TMEM108: variants seen among roughly 807,000 people sequenced by gnomAD.
TMEM108 encodes cancer/testis antigen 124.
A neutral mutation model predicts 35.1 loss-of-function variants in TMEM108; 12 were observed. The ratio of observed to expected loss-of-function variants is 0.34; its 90% CI spans 0.22 to 0.55. The LOEUF (loss-of-function observed/expected upper bound fraction) is 0.55. TMEM108 is among the 20% of genes least tolerant of loss of function. The probability of loss-of-function intolerance (pLI) is 0.89; values close to 1 mark genes in which losing one functional copy is unlikely to be tolerated. For missense variants in TMEM108, 680 were observed against 753.3 expected, an observed-to-expected ratio of 0.90 and a Z score of 1.14; for synonymous variants, 287 against 308.6, an observed-to-expected ratio of 0.93 and a Z score of 0.73.
intron 3 of TMEM108, among the ~76,000 whole-genome samples, chr3:133,306,110 T>G (rs1388591841): frequency 6.6e-6 from 1 of 152,196 alleles, no homozygotes; most frequent in South Asian, 2.1e-4. Context: ...TAATTTTTAT[T>G]GATAAAGTTC....
intron 2 of TMEM108, among the ~76,000 whole-genome samples, chr3:133,219,897 A>C (rs1456492364): frequency 6.6e-6 from 1 of 152,102 alleles, no homozygotes; most frequent in Non-Finnish European, 1.5e-5. Context: ...CTGGATATCC[A>C]TCCATTGTTG....
rs190698133 is a variant in TMEM108, at chr3:133,272,020, C to T, written c.40+42669C>T. Among the ~76,000 whole-genome samples, 265 of 152,224 alleles carry T rather than the reference C, an allele frequency of 1.7e-3. 1 individual carries two copies. The highest frequency in any genetic ancestry group is 3.1e-3 in the Non-Finnish European group (208 of 68,006). ...AAATGCATTTAAATTATGTTTTGAG[C>T]GCTTAACTCTGCTGTAGGAGCTAAA... On this transcript the variant is annotated intron_variant, in intron 3 of 5. Coordinates refer to ENST00000321871, the MANE Select transcript of TMEM108 (RefSeq NM_023943.4).
intron 3 of TMEM108, among the ~76,000 whole-genome samples, chr3:133,285,704 G>T (rs576622434): frequency 6.6e-6 from 1 of 152,082 alleles, no homozygotes; most frequent in Non-Finnish European, 1.5e-5. Context: ...GCCTAATCCC[G>T]ATCCCCTAGT....
chr3:133,380,175 C>A lies in TMEM108; in HGVS notation c.464C>A (p.Thr155Lys). The change falls in exon 4 of 6, where the codon ACA becomes AAA. Residue 155 changes from threonine (T) to lysine (K), a missense_variant. This residue lies in a region of TMEM108 where 526 missense variants were observed against 532.1 expected (regional missense o/e 0.99). Transcript: ENST00000321871. This position sits in a 1 kb window ranked among gnomAD's most constrained non-coding sequence, Gnocchi z 5.3. ...CCGGGGGCCACCAGCCGCCCCACCACAGCGCCCCCCCGCACTACCACACGC... is the reference window on the plus strand; with the variant it reads ...CCGGGGGCCACCAGCCGCCCCACCAAAGCGCCCCCCCGCACTACCACACGC... Reference protein sequence around the residue: ...KPPGATSRPTTAPPRTTTRRP... With the variant: ...KPPGATSRPTKAPPRTTTRRP... 6.2e-7 allele frequency: 1 copy of A among 1,612,462 alleles called. No homozygotes were observed. Among genetic ancestry groups the A allele is most frequent in the Non-Finnish European group, 8.5e-7 (1 of 1,179,262 alleles).
In TMEM108 at chr3:133,287,225, A is replaced by C. The variant is rs188559973; in HGVS notation, c.40+57874A>C. On this transcript the variant is annotated intron_variant, in intron 3 of 5. Coordinates refer to ENST00000321871, the MANE Select transcript of TMEM108 (RefSeq NM_023943.4). ...AGGGCTAATGAGCAGATCACTTATA[A>C]AGAATATGGATTAAAATTCTTCCCA... Among the ~76,000 whole-genome samples the C allele has an allele frequency of 2.9e-3, 443 of 152,304 alleles. 3 individuals are homozygous for C. The highest frequency in any genetic ancestry group is 0.01 in the African/African-American group (432 of 41,556).
At chr3:133,117,065 C>T (rs1303853113) in intron 2 of TMEM108, among the ~76,000 whole-genome samples, 2 of 152,220 alleles carry the variant, frequency 1.3e-5, no homozygotes, top group East Asian at 1.9e-4. Context: ...CTGCCGCACC[C>T]GGCCTGATTT....
rs181317384 is a variant in TMEM108, at chr3:133,389,060, A to G, written c.1451-1120A>G. 5.0e-3 allele frequency: 4,941 copies of G among 985,496 alleles called. 23 individuals carry two copies. The highest frequency in any genetic ancestry group is 0.026 in the South Asian group (551 of 21,284). The allele number at this position is 985,496 out of a possible 1,614,324, so 61.0% of individuals were successfully genotyped here. On this transcript the variant is annotated intron_variant, in intron 4 of 5. Transcript: ENST00000321871. ...GCTCTGGTGATGATGAACCTGGGGC[A>G]GGATATACTCAGTCCTCACTTCATG...
chr3:133,320,301 A>G (rs2071250369), intron 3 of TMEM108, among the ~76,000 whole-genome samples: 1 of 152,102 alleles, frequency 6.6e-6, no homozygotes, highest in Non-Finnish European at 1.5e-5. Flanking sequence ...TGGATAAAAA[A>G]TGCTCCAAAG....
intron 3 of TMEM108, among the ~76,000 whole-genome samples, chr3:133,297,611 T>A (rs1947164107): frequency 6.6e-6 from 1 of 152,148 alleles, no homozygotes; most frequent in Non-Finnish European, 1.5e-5. Context: ...CCAGGGAACT[T>A]TAAGTTCCCT....
chr3:133,090,404 C>T (rs1943933629), intron 2 of TMEM108, among the ~76,000 whole-genome samples: 1 of 152,234 alleles, frequency 6.6e-6, no homozygotes, highest in African/African-American at 2.4e-5. Context: ...GGAACTATTA[C>T]ATAGCTGCTG....
chr3:133,394,226 A>G (rs933826094), intron 5 of TMEM108, among the ~76,000 whole-genome samples: 6 of 152,324 alleles, frequency 3.9e-5, no homozygotes, highest in Non-Finnish European at 1.5e-5. Flanking sequence ...CAGGACATGT[A>G]CTCACCACCT....
intron 2 of TMEM108, among the ~76,000 whole-genome samples, chr3:133,215,746 T>C (rs1945898319): frequency 6.6e-6 from 1 of 152,194 alleles, no homozygotes; most frequent in Non-Finnish European, 1.5e-5. Context: ...TCACAAATAA[T>C]AGTAGAATAT....
chr3:133,390,364 G>T, intron 5 of TMEM108, 30 bp downstream of exon 5: 1 of 1,611,276 alleles, frequency 6.2e-7, no homozygotes, highest in Admixed American at 1.7e-5. Flanking sequence ...TGGCCCCACT[G>T]CAGGGAAACC....
chr3:133,311,179 G>A (rs1355629182), intron 3 of TMEM108, among the ~76,000 whole-genome samples: 3 of 152,130 alleles, frequency 2.0e-5, no homozygotes, highest in Non-Finnish European at 4.4e-5. Context: ...TAGTGAATCT[G>A]ACAATTATGT....
chr3:133,380,429 C>A lies in TMEM108; in HGVS notation c.718C>A (p.Pro240Thr). 1 of 1,613,612 alleles carries A rather than the reference C, an allele frequency of 6.2e-7. No individual in the cohort carries two copies. The highest frequency in any genetic ancestry group is 8.5e-7 in the Non-Finnish European group (1 of 1,179,700). ...PEPSTLTPRT[P>T]LWGYSSSPQP... is the part of the protein sequence containing the mutation. ...GCCCTCTACCCTCACCCCCAGGACCCCACTCTGGGGCTACTCCTCTTCACC... is the reference window on the plus strand; with the variant it reads ...GCCCTCTACCCTCACCCCCAGGACCACACTCTGGGGCTACTCCTCTTCACC... Residue 240 changes from proline (P) to threonine (T), a missense_variant, in exon 4 of 6, where the codon CCA becomes ACA. Pro to Thr is a conservative substitution (Grantham distance 38). Around this residue, in one of 3 missense-constraint regions of TMEM108, gnomAD observed 526 missense variants for 532.1 expected, o/e 0.99. Coordinates refer to ENST00000321871, the MANE Select transcript of TMEM108 (RefSeq NM_023943.4). The surrounding 1 kb of genome is among the most constrained non-coding windows in gnomAD (Gnocchi z 5.3).
At chr3:133,378,331 C>T (rs1438844704) in intron 3 of TMEM108, 1 of 985,342 alleles carries the variant, frequency 1.0e-6, no homozygotes, top group African/African-American at 1.7e-5. Flanking sequence ...CCCATCTCTG[C>T]TTCTCGCCAG....
rs141786815 is a variant in TMEM108, at chr3:133,249,391, GA to G, written c.40+20041del. ...ATTATAGAAAAGCTTTGAAGGGGTT[GA>G]GGGGAAAAACGAGAGTAGGGAACAC... is the stretch of plus-strand genomic sequence containing the variant. On this transcript the variant is annotated intron_variant, in intron 3 of 5. Coordinates refer to ENST00000321871, the MANE Select transcript of TMEM108 (RefSeq NM_023943.4). 2.8e-3 allele frequency among the ~76,000 whole-genome samples: 419 copies of G among 152,318 alleles called. 5 individuals are homozygous for G. Among genetic ancestry groups the G allele is most frequent in the African/African-American group, 9.6e-3 (399 of 41,570 alleles).
intron 3 of TMEM108, among the ~76,000 whole-genome samples, chr3:133,325,514 T>C (rs1200208565): frequency 6.6e-6 from 1 of 152,064 alleles, no homozygotes; most frequent in Non-Finnish European, 1.5e-5. Flanking sequence ...ACAACAAATA[T>C]CAATATTTGC....
rs370552829 is a variant in TMEM108 at position 133,242,702 on chromosome 3, G to T, written c.40+13351G>T. Among the ~76,000 whole-genome samples, 29 of 152,330 alleles carry T rather than the reference G, an allele frequency of 1.9e-4. No individual in the cohort carries two copies. The South Asian group carries it at 5.2e-3, about 27-fold the overall frequency. On this transcript the variant is annotated intron_variant, in intron 3 of 5. Transcript: ENST00000321871. ...AGTGCTAGATGCATGATTGTTCCGT[G>T]TTTGATGAGAAGAGGCAAGAATGAG...
Sources: allele counts gnomAD v4.1 joint callset (sites outside exome capture counted in the v4.1 genomes callset), GRCh38; gene constraint gnomAD v4.1.1; regional missense constraint gnomAD v4.1.1; non-coding constraint Gnocchi (gnomAD v3.1); transcripts MANE v1.5; gene names NCBI Gene and HGNC (gene_info 2026-07-23, HGNC 2026-07-21).